RABEP1: variants seen among roughly 807,000 people sequenced by gnomAD.
RABEP1 encodes the protein rabaptin, RAB GTPase binding effector protein 1.
RABEP1 carries 51 observed loss-of-function variants against 123.4 expected under a neutral mutation model. The ratio of observed to expected loss-of-function variants is 0.41; its 90% CI spans 0.33 to 0.52. The LOEUF (loss-of-function observed/expected upper bound fraction) is 0.52, where lower values mean the gene tolerates loss of function less well. RABEP1 is among the 20% of genes least tolerant of loss of function. RABEP1 has a pLI of 0.16. For missense variants in RABEP1, 888 were observed against 996.3 expected (o/e 0.89, Z 1.46); for synonymous variants, 347 against 355.2 (o/e 0.98, Z 0.26).
At chr17:5,290,513 G>C (rs1597324431) in intron 1 of RABEP1, among the ~76,000 whole-genome samples, 1 of 152,038 alleles carries the variant, frequency 6.6e-6, no homozygotes, top group East Asian at 1.9e-4. Context: ...GCGTTTATAA[G>C]CTTAAGAGAG....
In RABEP1 at chr17:5,384,161, G is replaced by A. The variant is rs1028027624; in HGVS notation, c.*938G>A. The A allele has an allele frequency of 1.4e-5, 3 of 214,532 alleles. No individual in the cohort carries two copies. In the East Asian group the frequency reaches 2.1e-4, roughly 15 times the overall value. 13.3% of individuals were successfully genotyped at this position (214,532 alleles called of 1,614,324 possible). A position where few individuals can be genotyped will look rare whatever the true frequency, so the allele number is the denominator to read the frequency against. On this transcript the variant is annotated 3_prime_UTR_variant, in exon 18 of 18. Transcript: ENST00000537505. ...TACAAAAATGGTAACTAGGTTGACA[G>A]ATACTTTGTATTTTTCTTTTGAATT...
At chr17:5,294,716 C>T (rs190253686) in intron 1 of RABEP1, among the ~76,000 whole-genome samples, 23 of 130,506 alleles carry the variant, frequency 1.8e-4, no homozygotes, top group Middle Eastern at 5.7e-3. Context: ...GGCGCGATCT[C>T]GGCTCACTGC....
At chr17:5,315,569 G>A (rs961506093) in intron 2 of RABEP1, among the ~76,000 whole-genome samples, 1 of 151,970 alleles carries the variant, frequency 6.6e-6, no homozygotes, top group African/African-American at 2.4e-5. Flanking sequence ...AGTAAATTCA[G>A]GCCGGGCATG....
At chr17:5,366,687 C>G (rs949610240) in intron 11 of RABEP1, among the ~76,000 whole-genome samples, 20 of 151,938 alleles carry the variant, frequency 1.3e-4, no homozygotes, top group African/African-American at 4.8e-4. Flanking sequence ...CTCAGGTGAT[C>G]CACTTGCCTC....
chr17:5,378,195 A>T lies in RABEP1; in HGVS notation c.2234A>T (p.Lys745Ile). Reference protein sequence around the residue: ...KEEIASISSLKAELERIKVEK... With the variant: ...KEEIASISSLIAELERIKVEK... ...CTTCTAGCTTCTATTTCTAGCCTAA[A>T]AGCTGAATTAGAAAGAATAAAAGTG... The change falls in exon 15 of 18, where the codon AAA becomes ATA. Residue 745 changes from lysine (K) to isoleucine (I), a missense_variant. By Grantham distance (102) the Lys-to-Ile change is moderately radical. Coordinates refer to ENST00000537505, the MANE Select transcript of RABEP1 (RefSeq NM_004703.6). 1 of 1,591,334 alleles carries T rather than the reference A, an allele frequency of 6.3e-7. No homozygotes were observed. Among genetic ancestry groups the T allele is most frequent in the Non-Finnish European group, 8.6e-7 (1 of 1,159,584 alleles).
At chr17:5,362,804 T>TTTAC (rs1285552947) in intron 9 of RABEP1, 108 bp from the exon 10 acceptor site, 2 of 726,876 alleles carry the variant, frequency 2.8e-6, no homozygotes, top group Non-Finnish European at 4.8e-6. Context: ...GAAGAAAGTG[T>TTTAC]TTACTGCATG....
chr17:5,348,464 T>A (rs1386047671), intron 6 of RABEP1, among the ~76,000 whole-genome samples: 1 of 152,176 alleles, frequency 6.6e-6, no homozygotes, highest in African/African-American at 2.4e-5. Flanking sequence ...AAATGTGAGG[T>A]TGGAGCAGTA....
At chr17:5,288,434 C>T (rs1237521125) in intron 1 of RABEP1, among the ~76,000 whole-genome samples, 1 of 152,136 alleles carries the variant, frequency 6.6e-6, no homozygotes, top group South Asian at 2.1e-4. Flanking sequence ...CTCGCTCAGT[C>T]GCCCAGGCTA....
Position 5,384,440 on chromosome 17 carries a change from T to A in RABEP1, c.*1217T>A, listed in dbSNP as rs961490951. On this transcript the variant is annotated 3_prime_UTR_variant, in exon 18 of 18. Coordinates refer to ENST00000537505, the MANE Select transcript of RABEP1 (RefSeq NM_004703.6). ...ATTCATCATCCAGGAGGTTCAAAAG[T>A]AAGATGGTTTTCAAATCATTTTTGA... is the stretch of plus-strand genomic sequence containing the variant. 4.6e-6 allele frequency: 1 copy of A among 215,286 alleles called. No homozygotes were observed. Among genetic ancestry groups the A allele is most frequent in the African/African-American group, 2.3e-5 (1 of 44,404 alleles). 13.3% of individuals were successfully genotyped at this position (215,286 alleles called of 1,614,324 possible).
At chr17:5,325,803 A>G (rs1206826855) in intron 2 of RABEP1, among the ~76,000 whole-genome samples, 1 of 152,226 alleles carries the variant, frequency 6.6e-6, no homozygotes, top group Non-Finnish European at 1.5e-5. Flanking sequence ...TTAATGTATT[A>G]TCACATGTAC....
intron 13 of RABEP1, among the ~76,000 whole-genome samples, chr17:5,373,952 T>C (rs1019442533): frequency 6.6e-6 from 1 of 152,156 alleles, no homozygotes; most frequent in Admixed American, 6.6e-5. Flanking sequence ...AGATTGAGAG[T>C]GTGCCAGAAA....
rs1911727569 is a variant in RABEP1 at position 5,383,986 on chromosome 17, G to C, written c.*763G>C. 1 of 220,210 alleles carries C rather than the reference G, an allele frequency of 4.5e-6. No homozygotes were observed. Among genetic ancestry groups the C allele is most frequent in the African/African-American group, 2.2e-5 (1 of 44,696 alleles). 13.6% of individuals were successfully genotyped at this position (220,210 alleles called of 1,614,324 possible). On this transcript the variant is annotated 3_prime_UTR_variant, in exon 18 of 18. Coordinates refer to ENST00000537505, the MANE Select transcript of RABEP1 (RefSeq NM_004703.6). ...ATCTTCATGGGCCCACAGGGTACCA[G>C]GATAAAGCCGAACTGGTACCATCTA...
intron 13 of RABEP1, among the ~76,000 whole-genome samples, chr17:5,373,693 A>ACACAC (rs1910720871): frequency 7.4e-6 from 1 of 135,254 alleles, no homozygotes; most frequent in Non-Finnish European, 1.6e-5. Flanking sequence ...ACACCAGCTA[A>ACACAC]ACACACACAC....
At chr17:5,319,459 C>T (rs1442656960) in intron 2 of RABEP1, among the ~76,000 whole-genome samples, 1 of 151,856 alleles carries the variant, frequency 6.6e-6, no homozygotes, top group African/African-American at 2.4e-5. Context: ...CTCTGCCTCC[C>T]AGGTTCAAGT....
chr17:5,344,771 CA>C (rs1177790100), intron 5 of RABEP1, among the ~76,000 whole-genome samples: 217 of 46,938 alleles, frequency 4.6e-3, no homozygotes, highest in South Asian at 0.021. Context: ...GACACTGTCT[CA>C]AAAAAAAAAA....
At chr17:5,337,916 T>G (rs1597368198) in intron 4 of RABEP1, 103 bp from the exon 5 acceptor site, 6 of 1,290,622 alleles carry the variant, frequency 4.6e-6, no homozygotes, top group Non-Finnish European at 1.0e-6. Context: ...TAGTGTCTGG[T>G]CAAGTTACTT....
chr17:5,299,453 CATCA>C (rs2075112886), intron 1 of RABEP1, among the ~76,000 whole-genome samples: 1 of 150,888 alleles, frequency 6.6e-6, no homozygotes, highest in African/African-American at 2.4e-5. Flanking sequence ...GAACACTGGG[CATCA>C]TTTAATCTTT....
intron 1 of RABEP1, among the ~76,000 whole-genome samples, chr17:5,306,596 C>G (rs978187751): frequency 6.6e-6 from 1 of 151,248 alleles, no homozygotes; most frequent in African/African-American, 2.4e-5. Context: ...CCACTGCACT[C>G]CAGCCTGGGT....
rs1162678021 is a variant in RABEP1, at chr17:5,362,998, G to A, written c.1650G>A (p.Glu550=). 6.2e-7 allele frequency: 1 copy of A among 1,612,320 alleles called. No individual in the cohort carries two copies. Among genetic ancestry groups the A allele is most frequent in the Non-Finnish European group, 8.5e-7 (1 of 1,178,490 alleles). ...EKQLQGIQIQ[E]AETRDQVKKL... is the part of the protein sequence containing the mutation. ...AGTTACAAGGAATTCAGATTCAGGA[G>A]GCTGAAACGAGAGACCAGGTGAGTT... The change falls in exon 10 of 18, where the codon GAG becomes GAA. Residue 550 remains glutamate, a synonymous_variant. Transcript: ENST00000537505.
Sources: allele counts gnomAD v4.1 joint callset (sites outside exome capture counted in the v4.1 genomes callset), GRCh38; gene constraint gnomAD v4.1.1; transcripts MANE v1.5; gene names NCBI Gene and HGNC (gene_info 2026-07-23, HGNC 2026-07-21).